Variants in NRXN3 observed in about 807,000 individuals in gnomAD.
The protein encoded by NRXN3 is neurexin 3, also known as neurexin III.
Under a neutral mutation model 137.6 loss-of-function variants are expected in NRXN3, and 32 were observed. The ratio of observed to expected loss-of-function variants is 0.23; its 90% CI spans 0.18 to 0.31. The LOEUF is 0.31. Ranked by LOEUF, NRXN3 falls within the 10% of genes least tolerant of loss-of-function variation. The pLI, the probability that NRXN3 is intolerant of heterozygous loss-of-function variation, is 1.00. For synonymous variants in NRXN3, 798 were observed against 784.5 expected (o/e 1.02, Z -0.29); for missense variants, 1,574 against 2,062.5 (o/e 0.76, Z 4.59).
At chr14:78,883,997 T>C (rs2099136309) in intron 10 of NRXN3, among the ~76,000 whole-genome samples, 1 of 152,248 alleles carries the variant, frequency 6.6e-6, no homozygotes, top group Non-Finnish European at 1.5e-5. Flanking sequence ...TTCAGACGAA[T>C]AGTTCCATGA....
At chr14:78,344,559 C>T (rs1342082856) in intron 4 of NRXN3, among the ~76,000 whole-genome samples, 1 of 152,208 alleles carries the variant, frequency 6.6e-6, no homozygotes, top group Non-Finnish European at 1.5e-5. Context: ...GAAAGCCGGG[C>T]TACCACTGGC....
At chr14:78,837,924 G>A (rs187893234) in intron 10 of NRXN3, among the ~76,000 whole-genome samples, 68 of 152,232 alleles carry the variant, frequency 4.5e-4, no homozygotes, top group Admixed American at 4.1e-3. Context: ...ACCTCAGCAT[G>A]AATCTATATT....
chr14:79,042,645 A>G (rs1003012831), intron 15 of NRXN3, among the ~76,000 whole-genome samples: 3 of 152,226 alleles, frequency 2.0e-5, no homozygotes, highest in African/African-American at 7.2e-5. Flanking sequence ...ATTTTGAAAT[A>G]TAAGATTGTT....
chr14:78,269,575 A>G (rs1343939469), intron 2 of NRXN3, among the ~76,000 whole-genome samples: 9 of 152,226 alleles, frequency 5.9e-5, no homozygotes, highest in African/African-American at 1.9e-4. Context: ...ACACTTAAAG[A>G]TGGTTATGAT....
At chr14:79,333,982 G>C (rs1398118104) in intron 15 of NRXN3, among the ~76,000 whole-genome samples, 1 of 152,186 alleles carries the variant, frequency 6.6e-6, no homozygotes, top group Non-Finnish European at 1.5e-5. Context: ...TGCACTTCCA[G>C]TGTAGTTCTA....
chr14:79,853,574 G>A (rs781285730), intron 20 of NRXN3: 11 of 1,351,044 alleles, frequency 8.1e-6, no homozygotes, highest in East Asian at 4.6e-5. Flanking sequence ...ACTCCGTGCC[G>A]CCCTTACATG....
intron 10 of NRXN3, among the ~76,000 whole-genome samples, chr14:78,927,150 C>CTCTTGAGAAG (rs546385554): frequency 3.6e-5 from 4 of 111,724 alleles, no homozygotes; most frequent in Non-Finnish European, 7.3e-5. Context: ...GTGAGACCCT[C>CTCTTGAGAAG]AAAAAAAAAA....
chr14:79,116,601 A>C (rs1268305850), intron 15 of NRXN3, among the ~76,000 whole-genome samples: 2 of 152,214 alleles, frequency 1.3e-5, no homozygotes, highest in Non-Finnish European at 2.9e-5. Flanking sequence ...GCCTCCTTTC[A>C]GAGTGAATAT....
chr14:78,728,106 C>G (rs1025639513), intron 8 of NRXN3, among the ~76,000 whole-genome samples: 1 of 152,226 alleles, frequency 6.6e-6, no homozygotes, highest in Non-Finnish European at 1.5e-5. Flanking sequence ...TTGATGAGAT[C>G]TGTCTATTCT....
chr14:79,511,803 T>C (rs1463875111), intron 16 of NRXN3, among the ~76,000 whole-genome samples: 1 of 152,178 alleles, frequency 6.6e-6, no homozygotes, highest in East Asian at 1.9e-4. Flanking sequence ...TCAGAACAAA[T>C]AAGTGTTAAA....
At chr14:78,966,794 C>T (rs1385855966) in intron 12 of NRXN3, among the ~76,000 whole-genome samples, 3 of 152,152 alleles carry the variant, frequency 2.0e-5, no homozygotes, top group Admixed American at 6.5e-5. Flanking sequence ...CTACCATTAG[C>T]CCATATATGC....
intron 19 of NRXN3, among the ~76,000 whole-genome samples, chr14:79,711,567 G>T (rs2098804432): frequency 6.6e-6 from 1 of 152,020 alleles, no homozygotes; most frequent in Admixed American, 6.5e-5. Context: ...TGATCCTCCT[G>T]CGTTGGAGTG....
intron 17 of NRXN3, among the ~76,000 whole-genome samples, chr14:79,671,580 G>A (rs1434409724): frequency 6.6e-6 from 1 of 151,936 alleles, no homozygotes; most frequent in Non-Finnish European, 1.5e-5. Context: ...TTTAAATGAA[G>A]GTTTGTTTTG....
chr14:78,224,014 C>T (rs1416743048), intron 1 of NRXN3, among the ~76,000 whole-genome samples: 1 of 152,048 alleles, frequency 6.6e-6, no homozygotes, highest in South Asian at 2.1e-4. Flanking sequence ...TGAGCCGTGG[C>T]CACCTTATTA....
Position 78,243,092 on chromosome 14 carries a change from C to G in NRXN3, c.-2C>G. Reference sequence around the variant, plus strand: ...CCTCCGGGCTCTGTCCCAGCAGCGACAATGAGCTCCACACTCCACTCGGTT... The same window carrying G: ...CCTCCGGGCTCTGTCCCAGCAGCGAGAATGAGCTCCACACTCCACTCGGTT... On this transcript the variant is annotated 5_prime_UTR_variant, in exon 2 of 21. Transcript: ENST00000335750. This position sits in a 1 kb window ranked among gnomAD's most constrained non-coding sequence, Gnocchi z 4.2. 2 of 1,514,418 alleles carry G rather than the reference C, an allele frequency of 1.3e-6. No individual in the cohort carries two copies. Among genetic ancestry groups the G allele is most frequent in the Non-Finnish European group, 8.8e-7 (1 of 1,136,380 alleles). 93.8% of individuals were successfully genotyped at this position (1,514,418 alleles called of 1,614,324 possible).
intron 4 of NRXN3, among the ~76,000 whole-genome samples, chr14:78,545,053 G>C (rs1013437011): frequency 6.6e-6 from 1 of 152,312 alleles, no homozygotes; most frequent in East Asian, 1.9e-4. Flanking sequence ...TTTCATGATA[G>C]TTTTAGATGT....
At chr14:79,652,779 C>A (rs991452606) in intron 16 of NRXN3, among the ~76,000 whole-genome samples, 4 of 151,944 alleles carry the variant, frequency 2.6e-5, no homozygotes, top group South Asian at 2.1e-4. Flanking sequence ...GTGTCCAGAT[C>A]ATTCTCCCCT....
intron 4 of NRXN3, among the ~76,000 whole-genome samples, chr14:78,415,999 T>C (rs1312571506): frequency 1.3e-5 from 2 of 152,176 alleles, no homozygotes; most frequent in Non-Finnish European, 2.9e-5. Context: ...AAGACACTTG[T>C]CTTCTTAAGG....
rs553183902 is a variant in NRXN3 at position 79,395,379 on chromosome 14, A to G, written c.3263-71842A>G. ...TTGATTCCAGAAGCAGTGGCATATT[A>G]TCTTGAATTTTCTTCATAAAGGCAA... On this transcript the variant is annotated intron_variant, in intron 15 of 20. Coordinates refer to ENST00000335750, the MANE Select transcript of NRXN3 (RefSeq NM_001330195.2). Among the ~76,000 whole-genome samples the G allele has an allele frequency of 9.6e-4, 146 of 152,302 alleles. 1 individual carries two copies. Among genetic ancestry groups the G allele is most frequent in the Non-Finnish European group, 1.6e-3 (108 of 68,034 alleles).
Sources: allele counts gnomAD v4.1 joint callset (sites outside exome capture counted in the v4.1 genomes callset), GRCh38; gene constraint gnomAD v4.1.1; non-coding constraint Gnocchi (gnomAD v3.1); transcripts MANE v1.5; gene names NCBI Gene and HGNC (gene_info 2026-07-23, HGNC 2026-07-21).